TMEM132C: variants seen among roughly 807,000 people sequenced by gnomAD.
The protein encoded by TMEM132C is transmembrane protein 132C.
A neutral mutation model predicts 61.4 loss-of-function variants in TMEM132C; 29 were observed. That is an observed-to-expected ratio of 0.47 (90% CI 0.35 to 0.64). The LOEUF is 0.64. TMEM132C is among the 30% of genes least tolerant of loss of function. The pLI, the probability that TMEM132C is intolerant of heterozygous loss-of-function variation, is 0.00. For synonymous variants in TMEM132C, 656 were observed against 633.1 expected (o/e 1.04, Z -0.54); for missense variants, 1,408 against 1,476.9 (o/e 0.95, Z 0.76).
At position 128,705,719 on chromosome 12, in the gene TMEM132C, G is replaced by A. The variant is rs557288550; in HGVS notation, c.2751G>A (p.Pro917=). 552 of 1,551,464 alleles carry A rather than the reference G, an allele frequency of 3.6e-4. 1 individual carries two copies. The highest frequency in any genetic ancestry group is 2.1e-3 in the East Asian group (86 of 40,908). The change falls in exon 9 of 9, where the codon CCG becomes CCA. Residue 917 remains proline (P), a synonymous_variant. Transcript: ENST00000435159. The part of the protein sequence containing the change: ...GLEENDLVQT[P]RGLSDLEIGM... ...AGGAAAACGACCTGGTGCAGACTCCGCGGGGCCTGAGTGATCTGGAGATAG... is the reference window on the plus strand; with the variant it reads ...AGGAAAACGACCTGGTGCAGACTCCACGGGGCCTGAGTGATCTGGAGATAG...
chr12:128,691,475 A>C (rs1272306599), intron 5 of TMEM132C, among the ~76,000 whole-genome samples: 4 of 152,144 alleles, frequency 2.6e-5, no homozygotes, highest in African/African-American at 9.7e-5. Context: ...TCATCTGTCT[A>C]TCCATCTGTC....
chr12:128,696,017 T>G lies in TMEM132C; in HGVS notation c.1843T>G (p.Phe615Val), dbSNP rs878930494. The change falls in exon 7 of 9, where the codon TTC becomes GTC. Residue 615 changes from phenylalanine to valine, a missense_variant. Coordinates refer to ENST00000435159, the MANE Select transcript of TMEM132C (RefSeq NM_001136103.3). ...CGACATCACTCACCTGGTGGCAGAC[T>G]TCATGAAGCTGGAGGAACCTCACGT... ...QFDITHLVAD[F>V]MKLEEPHVAT... The G allele has an allele frequency of 1.3e-6, 2 of 1,551,596 alleles. No individual in the cohort carries two copies. The highest frequency in any genetic ancestry group is 2.0e-5 in the Admixed American group (1 of 50,980).
chr12:128,426,108 T>C lies in TMEM132C; in HGVS notation c.974+10488T>C, dbSNP rs1869173469. ...TGGCAACACCAGGCCGTGTTCCCTG[T>C]GGTGGAAAAGCAAAGTTACAAATGG... On this transcript the variant is annotated intron_variant, in intron 2 of 8. Transcript: ENST00000435159. Among the ~76,000 whole-genome samples, 5 of 152,226 alleles carry C rather than the reference T, an allele frequency of 3.3e-5. No homozygotes were observed. In the South Asian group the frequency reaches 1.0e-3, roughly 32 times the overall value.
chr12:128,562,503 T>C (rs945567136), intron 3 of TMEM132C, among the ~76,000 whole-genome samples: 4 of 152,204 alleles, frequency 2.6e-5, no homozygotes, highest in Non-Finnish European at 5.9e-5. Context: ...AATGCAGTAT[T>C]TTCTCACCAG....
At chr12:128,612,950 G>A (rs1417761668) in intron 3 of TMEM132C, among the ~76,000 whole-genome samples, 1 of 152,094 alleles carries the variant, frequency 6.6e-6, no homozygotes, top group Non-Finnish European at 1.5e-5. Context: ...CCTGCACAAT[G>A]GGAATGTCAT....
At chr12:128,285,960 CAT>C in intron 1 of TMEM132C, among the ~76,000 whole-genome samples, 2 of 117,836 alleles carry the variant, frequency 1.7e-5, no homozygotes, top group African/African-American at 7.8e-5. Flanking sequence ...TCTCTCTCCC[CAT>C]CTCTATCTCT....
chr12:128,300,669 A>G (rs563492974), intron 1 of TMEM132C, among the ~76,000 whole-genome samples: 3 of 152,254 alleles, frequency 2.0e-5, no homozygotes, highest in Non-Finnish European at 4.4e-5. Flanking sequence ...GACCAAGAAG[A>G]TGTGCTTCCC....
intron 4 of TMEM132C, among the ~76,000 whole-genome samples, chr12:128,664,186 G>A (rs1413549536): frequency 2.0e-5 from 2 of 100,294 alleles, no homozygotes; most frequent in African/African-American, 5.5e-5. Context: ...ACGCATGCAC[G>A]CAGGCACTCA....
chr12:128,458,974 G>T (rs893235575), intron 2 of TMEM132C, among the ~76,000 whole-genome samples: 11 of 152,216 alleles, frequency 7.2e-5, no homozygotes, highest in Non-Finnish European at 1.5e-4. Flanking sequence ...CAAACTGAAG[G>T]TTCTTTTCTT....
chr12:128,555,646 A>G (rs571854604), intron 3 of TMEM132C, among the ~76,000 whole-genome samples: 2 of 151,860 alleles, frequency 1.3e-5, no homozygotes, highest in African/African-American at 2.4e-5. Flanking sequence ...CCTGGACTCC[A>G]TAGGGGTTTG....
intron 4 of TMEM132C, among the ~76,000 whole-genome samples, chr12:128,655,780 T>C (rs1421086103): frequency 2.0e-5 from 3 of 152,070 alleles, no homozygotes. Context: ...GCCAGGGACT[T>C]GACTTCTCAT....
chr12:128,359,406 G>A (rs1010313713), intron 1 of TMEM132C, among the ~76,000 whole-genome samples: 2 of 152,118 alleles, frequency 1.3e-5, no homozygotes, highest in African/African-American at 4.8e-5. Context: ...CAGCATGGGG[G>A]AAACTGCCTC....
chr12:128,450,506 C>T (rs1232441882), intron 2 of TMEM132C, among the ~76,000 whole-genome samples: 2 of 152,164 alleles, frequency 1.3e-5, no homozygotes, highest in African/African-American at 4.8e-5. Context: ...ATGCCCTAGG[C>T]TATGGTAAAT....
At chr12:128,282,802 T>A (rs1870940380) in intron 1 of TMEM132C, among the ~76,000 whole-genome samples, 2 of 152,220 alleles carry the variant, frequency 1.3e-5, no homozygotes, top group Non-Finnish European at 2.9e-5. Context: ...TTGTGACACG[T>A]CTCTCCATTC....
intron 2 of TMEM132C, among the ~76,000 whole-genome samples, chr12:128,535,533 A>G (rs528928768): frequency 6.6e-6 from 1 of 152,318 alleles, no homozygotes; most frequent in South Asian, 2.1e-4. Flanking sequence ...CAAAACCACA[A>G]TGAGATACCA....
chr12:128,404,791 G>A (rs144421702), intron 1 of TMEM132C: 2 of 152,344 alleles, frequency 1.3e-5, no homozygotes, highest in South Asian at 2.1e-4. Flanking sequence ...TATCCTGTCT[G>A]GGCACTGAGT....
intron 1 of TMEM132C, among the ~76,000 whole-genome samples, chr12:128,370,649 C>T (rs1003531991): frequency 3.9e-5 from 6 of 151,962 alleles, no homozygotes; most frequent in African/African-American, 1.4e-4. Flanking sequence ...TGACCTCTCT[C>T]CTCCAACCTT....
intron 1 of TMEM132C, among the ~76,000 whole-genome samples, chr12:128,304,907 G>A (rs184552491): frequency 6.6e-6 from 1 of 152,292 alleles, no homozygotes; most frequent in Non-Finnish European, 1.5e-5. Context: ...ATGGGGAGTT[G>A]GAAGGGTAGA....
chr12:128,394,529 C>A (rs1184926401), intron 1 of TMEM132C, among the ~76,000 whole-genome samples: 1 of 152,236 alleles, frequency 6.6e-6, no homozygotes, highest in East Asian at 1.9e-4. Flanking sequence ...GTTAACCCAT[C>A]TGAACTGCTG....
Sources: gnomAD v4.1 joint callset for allele counts (sites outside exome capture counted in the v4.1 genomes callset) on GRCh38, gnomAD v4.1.1 for gene constraint, MANE v1.5 for transcripts, NCBI Gene and HGNC (gene_info 2026-07-23, HGNC 2026-07-21) for gene names.